The following CSMD1 variants were observed in gnomAD, a reference collection of about 807,000 sequenced individuals.
The protein encoded by CSMD1 is CUB and Sushi multiple domains 1.
A neutral mutation model predicts 417.5 loss-of-function variants in CSMD1; 213 were observed. The observed-to-expected ratio is 0.51, with a 90% CI of 0.46 to 0.57. CSMD1 has a LOEUF of 0.57. Ranked by LOEUF, CSMD1 falls within the 20% of genes least tolerant of loss-of-function variation. CSMD1 has a pLI of 0.00. For synonymous variants in CSMD1, 2,862 were observed against 1,736.8 expected, an observed-to-expected ratio of 1.65 and a Z score of -16.11; for missense variants, 6,923 against 4,529.7, an observed-to-expected ratio of 1.53 and a Z score of -15.17.
At position 4,513,977 on chromosome 8, in the gene CSMD1, G is replaced by C. The variant is rs537145508; in HGVS notation, c.303-93912C>G. ...TCACTTGGGACTCTTTTTAACCCTA[G>C]ATTGTAGCTAAAGAGCCTCCTCATT... On this transcript the variant is annotated intron_variant, in intron 2 of 69. Coordinates refer to ENST00000635120, the MANE Select transcript of CSMD1 (RefSeq NM_033225.6). Among the ~76,000 whole-genome samples, 232 of 152,274 alleles carry C rather than the reference G, an allele frequency of 1.5e-3. 1 individual carries two copies. The highest frequency in any genetic ancestry group is 5.0e-3 in the African/African-American group (208 of 41,572).
intron 3 of CSMD1, among the ~76,000 whole-genome samples, chr8:4,199,239 T>A (rs185089464): frequency 1.3e-5 from 2 of 152,328 alleles, no homozygotes. Context: ...AGACCTAGCC[T>A]ATAGTGTGAA....
chr8:4,890,181 T>C (rs1187584510), intron 1 of CSMD1, among the ~76,000 whole-genome samples: 1 of 152,134 alleles, frequency 6.6e-6, no homozygotes, highest in Non-Finnish European at 1.5e-5. Flanking sequence ...TTTCTAGTCA[T>C]TTTAGTCAAT....
At chr8:3,234,589 C>G (rs1410827887) in intron 26 of CSMD1, among the ~76,000 whole-genome samples, 2 of 152,148 alleles carry the variant, frequency 1.3e-5, no homozygotes, top group Non-Finnish European at 2.9e-5. Context: ...TGTACTTTCC[C>G]ACTTTCCTCC....
At chr8:4,139,116 C>A (rs73176390) in intron 3 of CSMD1, among the ~76,000 whole-genome samples, 3 of 152,038 alleles carry the variant, frequency 2.0e-5, no homozygotes, top group South Asian at 2.1e-4. Context: ...CATGAAGACC[C>A]CTGTGATTCT....
intron 2 of CSMD1, among the ~76,000 whole-genome samples, chr8:4,592,281 G>A (rs1563316675): frequency 6.6e-6 from 1 of 151,388 alleles, no homozygotes; most frequent in Non-Finnish European, 1.5e-5. Flanking sequence ...TTACAGAATA[G>A]TGAAAGTGGT....
intron 1 of CSMD1, among the ~76,000 whole-genome samples, chr8:4,659,838 T>C (rs1178696139): frequency 6.6e-6 from 1 of 152,082 alleles, no homozygotes; most frequent in East Asian, 1.9e-4. Flanking sequence ...TAACCATCCA[T>C]ATTAACATGC....
intron 1 of CSMD1, among the ~76,000 whole-genome samples, chr8:4,808,344 C>T (rs576578073): frequency 6.6e-5 from 10 of 152,220 alleles, no homozygotes; most frequent in East Asian, 1.9e-4. Flanking sequence ...CCCCTTCCTG[C>T]GACAATCATT....
chr8:4,220,531 T>C (rs3843924), intron 3 of CSMD1, among the ~76,000 whole-genome samples: 80,566 of 152,036 alleles, frequency 0.53, 23,225 homozygotes, highest in African/African-American at 0.73. Flanking sequence ...AGTGGAAACA[T>C]GGAGACATTA....
intron 1 of CSMD1, among the ~76,000 whole-genome samples, chr8:4,772,957 C>T (rs1491001299): frequency 1.3e-5 from 2 of 152,148 alleles, no homozygotes; most frequent in African/African-American, 2.4e-5. Flanking sequence ...GAATATAACA[C>T]ATGGGACATT....
rs187862431 is a variant in CSMD1, at chr8:3,944,295, T to C, written c.818+53608A>G. ...AAGTAGAGAAATCAAACCTGTCAGT[T>C]TGAGCCCCGGATAATTAACTTTTGC... On this transcript the variant is annotated intron_variant, in intron 5 of 69. Coordinates refer to ENST00000635120, the MANE Select transcript of CSMD1 (RefSeq NM_033225.6). Among the ~76,000 whole-genome samples, 138 of 152,234 alleles carry C rather than the reference T, an allele frequency of 9.1e-4. No individual in the cohort carries two copies. In the South Asian group the frequency reaches 9.9e-3, roughly 11 times the overall value.
At chr8:3,648,436 T>C (rs2117364608) in intron 7 of CSMD1, among the ~76,000 whole-genome samples, 1 of 152,314 alleles carries the variant, frequency 6.6e-6, no homozygotes, top group Non-Finnish European at 1.5e-5. Context: ...AATTGAGATT[T>C]TAATACTGGA....
intron 7 of CSMD1, among the ~76,000 whole-genome samples, chr8:3,666,709 A>G (rs1232231528): frequency 2.0e-5 from 3 of 152,196 alleles, no homozygotes; most frequent in Non-Finnish European, 2.9e-5. Context: ...TGATGTCTTT[A>G]TAAGGGGAAA....
chr8:4,551,146 T>C (rs188973324), intron 2 of CSMD1, among the ~76,000 whole-genome samples: 14 of 152,340 alleles, frequency 9.2e-5, no homozygotes, highest in African/African-American at 3.1e-4. Context: ...GCAACATCTA[T>C]GTGGAGATCC....
At chr8:3,835,517 A>G (rs891896711) in intron 5 of CSMD1, among the ~76,000 whole-genome samples, 1 of 152,028 alleles carries the variant, frequency 6.6e-6, no homozygotes, top group African/African-American at 2.4e-5. Context: ...GAATTGAACA[A>G]TGAGAACACA....
chr8:3,832,508 G>C (rs10110913), intron 5 of CSMD1, among the ~76,000 whole-genome samples: 52,036 of 151,678 alleles, frequency 0.34, 9,129 homozygotes, highest in Non-Finnish European at 0.37. Flanking sequence ...CTGTTGCATA[G>C]CATCACTTAT....
intron 26 of CSMD1, among the ~76,000 whole-genome samples, chr8:3,244,330 G>A (rs1049730222): frequency 5.9e-5 from 9 of 152,154 alleles, no homozygotes; most frequent in African/African-American, 2.2e-4. Context: ...TAGGAATCAG[G>A]CAGTCACTCC....
intron 39 of CSMD1, among the ~76,000 whole-genome samples, chr8:3,156,937 T>C (rs183251173): frequency 2.1e-3 from 299 of 139,322 alleles, no homozygotes; most frequent in Non-Finnish European, 3.0e-3. Flanking sequence ...CACTTGGATT[T>C]AGGGAGTGAG....
chr8:3,502,362 C>A lies in CSMD1; in HGVS notation c.1345-8636G>T, dbSNP rs1320878266. Among the ~76,000 whole-genome samples, 72 of 32,392 alleles carry A rather than the reference C, an allele frequency of 2.2e-3. 1 individual carries two copies. In the South Asian group the frequency reaches 0.07, roughly 32 times the overall value. 21.3% of individuals were successfully genotyped at this position (32,392 alleles called of 152,430 possible). A position where few individuals can be genotyped will look rare whatever the true frequency, so the allele number is the denominator to read the frequency against. Reference sequence around the variant, plus strand: ...CCTGGGGGACAGACCGAGACTTCATCTCAAAAAAAAAAAAAAAAAGAAGTA... The same window carrying A: ...CCTGGGGGACAGACCGAGACTTCATATCAAAAAAAAAAAAAAAAAGAAGTA... On this transcript the variant is annotated intron_variant, in intron 10 of 69. Transcript: ENST00000635120.
intron 10 of CSMD1, among the ~76,000 whole-genome samples, chr8:3,536,161 G>C (rs1798189559): frequency 1.3e-5 from 2 of 152,174 alleles, no homozygotes; most frequent in Admixed American, 1.3e-4. Context: ...CATTACATAG[G>C]AGAGCACGGG....
Sources: gnomAD v4.1 joint callset for allele counts (sites outside exome capture counted in the v4.1 genomes callset) on GRCh38, gnomAD v4.1.1 for gene constraint, MANE v1.5 for transcripts, NCBI Gene and HGNC (gene_info 2026-07-23, HGNC 2026-07-21) for gene names.